Variants in TSPAN4 observed in about 807,000 individuals in gnomAD.
TSPAN4 encodes the protein tetraspanin 4.
In TSPAN4, 38 loss-of-function variants were observed where a neutral mutation model predicts 31.5. The observed-to-expected ratio is 1.21, with a 90% CI of 0.93 to 1.58. TSPAN4 has a LOEUF of 1.58. Ranked by LOEUF, TSPAN4 falls within the 40% of genes most tolerant of loss-of-function variation. TSPAN4 has a pLI of 0.00. For synonymous variants in TSPAN4, 186 were observed against 144.6 expected, an observed-to-expected ratio of 1.29 and a Z score of -2.06; for missense variants, 330 against 317.3, an observed-to-expected ratio of 1.04 and a Z score of -0.30.
intron 5 of TSPAN4, 191 bp downstream of exon 5, chr11:864,702 T>C (rs1848666684): frequency 1.5e-6 from 1 of 684,368 alleles, no homozygotes; most frequent in African/African-American, 1.8e-5. Flanking sequence ...GCTGTGGCTC[T>C]ATAGCGACTG....
At chr11:865,152 A>C in intron 5 of TSPAN4, 1 of 239,012 alleles carries the variant, frequency 4.2e-6, no homozygotes, top group Non-Finnish European at 8.2e-6. Context: ...TCCTCACTGA[A>C]TATTGGGGAC....
At chr11:859,271 C>T (rs1393690003) in intron 3 of TSPAN4, among the ~76,000 whole-genome samples, 3 of 111,430 alleles carry the variant, frequency 2.7e-5, no homozygotes, top group African/African-American at 3.6e-5. Context: ...ACACCCTGGC[C>T]CACACGCACC....
chr11:856,369 G>A, intron 3 of TSPAN4, among the ~76,000 whole-genome samples: 1 of 151,580 alleles, frequency 6.6e-6, no homozygotes, highest in African/African-American at 2.4e-5. Flanking sequence ...CAGGTTCTGG[G>A]CAGTGGACAG....
At chr11:845,686 C>A (rs1847279798) in intron 1 of TSPAN4, among the ~76,000 whole-genome samples, 1 of 152,042 alleles carries the variant, frequency 6.6e-6, no homozygotes, top group African/African-American at 2.4e-5. Flanking sequence ...AGTCTGTTGC[C>A]TTCACCCCCG....
chr11:847,813 C>T (rs1056579177), intron 2 of TSPAN4, among the ~76,000 whole-genome samples: 2 of 152,140 alleles, frequency 1.3e-5, no homozygotes, highest in African/African-American at 2.4e-5. Flanking sequence ...GCTCTCCCTT[C>T]GCCCTCCCAC....
In TSPAN4 at chr11:864,442, C is replaced by CCTG. The variant is rs753734827; in HGVS notation, c.274_276dup (p.Leu92dup). ...TGAGCCTGCCCCCTCCACAGTTCTT[C>CCTG]CTGCTGCTGCTGCTGGTGTTCCTGC... On this transcript the variant is annotated inframe_insertion, in exon 5 of 9. Transcript: ENST00000397397. 4.3e-6 allele frequency: 7 copies of CCTG among 1,611,506 alleles called. No homozygotes were observed. The highest frequency in any genetic ancestry group is 5.1e-6 in the Non-Finnish European group (6 of 1,179,122).
In TSPAN4 at chr11:866,947, C is replaced by T. The variant is rs1048451730; in HGVS notation, c.*317C>T. On this transcript the variant is annotated 3_prime_UTR_variant, in exon 9 of 9. Coordinates refer to ENST00000397397, the MANE Select transcript of TSPAN4 (RefSeq NM_003271.5). ...TTCACACGGGAGCCAGCCTGTGGCCCCCAGCCTCCTGGAAAACAGGTTGGC... is the reference window on the plus strand; with the variant it reads ...TTCACACGGGAGCCAGCCTGTGGCCTCCAGCCTCCTGGAAAACAGGTTGGC... The T allele has an allele frequency of 4.8e-5, 12 of 250,564 alleles. No individual in the cohort carries two copies. Among genetic ancestry groups the T allele is most frequent in the African/African-American group, 1.8e-4 (8 of 44,708 alleles). The allele number at this position is 250,564 out of a possible 1,614,324, so 15.5% of individuals were successfully genotyped here.
At chr11:852,141 T>A (rs1565133644) in intron 3 of TSPAN4, among the ~76,000 whole-genome samples, 1 of 152,166 alleles carries the variant, frequency 6.6e-6, no homozygotes, top group Non-Finnish European at 1.5e-5. Context: ...TTATCTTTGT[T>A]TTTTGAGATA....
chr11:854,861 G>C (rs527237643), intron 3 of TSPAN4, among the ~76,000 whole-genome samples: 14 of 152,346 alleles, frequency 9.2e-5, no homozygotes, highest in South Asian at 2.1e-4. Context: ...GGTGGCAGAG[G>C]GCTCTGCCTT....
chr11:852,143 T>C (rs569115428), intron 3 of TSPAN4, among the ~76,000 whole-genome samples: 30 of 152,312 alleles, frequency 2.0e-4, no homozygotes, highest in African/African-American at 7.0e-4. Context: ...ATCTTTGTTT[T>C]TTGAGATAGA....
intron 3 of TSPAN4, among the ~76,000 whole-genome samples, chr11:856,512 C>T (rs945854861): frequency 1.3e-5 from 2 of 152,248 alleles, no homozygotes; most frequent in Non-Finnish European, 2.9e-5. Flanking sequence ...CCCCAGCTGT[C>T]ATGGGGCGGG....
chr11:850,420 C>T, intron 3 of TSPAN4, 53 bp downstream of exon 3: 1 of 1,502,072 alleles, frequency 6.7e-7, no homozygotes, highest in South Asian at 1.2e-5. Context: ...GTCCCTCCCG[C>T]GGCGGGTCGC....
intron 1 of TSPAN4, chr11:844,432 CCT>C (rs1847177724): frequency 6.6e-6 from 1 of 152,316 alleles, no homozygotes; most frequent in Admixed American, 6.5e-5. Flanking sequence ...CAGCAGAGCC[CCT>C]GAGATCTGGA....
intron 3 of TSPAN4, 99 bp from the exon 4 acceptor site, chr11:862,451 C>A: frequency 8.7e-7 from 1 of 1,146,850 alleles, no homozygotes. Flanking sequence ...GGCTGGCAGG[C>A]GGCATGGCTT....
intron 4 of TSPAN4, chr11:862,996 C>G: frequency 2.1e-6 from 1 of 476,104 alleles, no homozygotes; most frequent in Non-Finnish European, 3.7e-6. Flanking sequence ...AGGGGCCTCC[C>G]CTGACGGGAC....
chr11:861,605 G>C (rs544669392), intron 3 of TSPAN4, among the ~76,000 whole-genome samples: 3 of 152,148 alleles, frequency 2.0e-5, no homozygotes, highest in African/African-American at 7.2e-5. Flanking sequence ...CCAGCTACTC[G>C]GGAGGCTGAG....
intron 3 of TSPAN4, among the ~76,000 whole-genome samples, chr11:861,020 C>G (rs370596312): frequency 6.6e-6 from 1 of 152,182 alleles, no homozygotes; most frequent in East Asian, 1.9e-4. Context: ...GAACATATCT[C>G]CCGTCTCATC....
At chr11:856,879 T>C (rs547914335) in intron 3 of TSPAN4, 1 of 152,292 alleles carries the variant, frequency 6.6e-6, no homozygotes, top group Non-Finnish European at 1.5e-5. Context: ...AGAAACACTT[T>C]CAAAATTGCA....
At chr11:846,694 G>T (rs1284275529) in intron 1 of TSPAN4, among the ~76,000 whole-genome samples, 2 of 152,018 alleles carry the variant, frequency 1.3e-5, no homozygotes, top group East Asian at 1.9e-4. Flanking sequence ...AGGGCGTGAG[G>T]CCCCTTCCTG....
Sources: allele counts gnomAD v4.1 joint callset (sites outside exome capture counted in the v4.1 genomes callset), GRCh38; gene constraint gnomAD v4.1.1; transcripts MANE v1.5; gene names NCBI Gene and HGNC (gene_info 2026-07-23, HGNC 2026-07-21).